FGD4: variants seen among roughly 807,000 people sequenced by gnomAD.
The protein encoded by FGD4 is FYVE, RhoGEF and PH domain-containing protein 4.
In FGD4, 42 loss-of-function variants were observed where a neutral mutation model predicts 102.0. The ratio of observed to expected loss-of-function variants is 0.41; its 90% CI spans 0.32 to 0.53. The LOEUF (loss-of-function observed/expected upper bound fraction) is 0.53. Among genes scored for constraint, FGD4 ranks in the 20% least tolerant of loss-of-function variants. The pLI is 0.21. For synonymous variants in FGD4, 380 were observed against 375.7 expected, an observed-to-expected ratio of 1.01 and a Z score of -0.13; for missense variants, 902 against 1,078.2, an observed-to-expected ratio of 0.84 and a Z score of 2.29.
chr12:32,581,372 G>A (rs1946603277), intron 3 of FGD4, among the ~76,000 whole-genome samples: 1 of 152,198 alleles, frequency 6.6e-6, no homozygotes, highest in Admixed American at 6.5e-5. Flanking sequence ...TGACTGACTT[G>A]TAGAGGTTCT....
At chr12:32,609,126 A>G (rs1036783754) in intron 8 of FGD4, among the ~76,000 whole-genome samples, 2 of 152,170 alleles carry the variant, frequency 1.3e-5, no homozygotes, top group South Asian at 2.1e-4. Flanking sequence ...AGCTTCCCAA[A>G]GTGCTGGGAT....
At chr12:32,495,329 A>G (rs1212683957) in intron 1 of FGD4, among the ~76,000 whole-genome samples, 2 of 152,152 alleles carry the variant, frequency 1.3e-5, no homozygotes, top group East Asian at 1.9e-4. Flanking sequence ...GATTCGCCCC[A>G]TATTTCACTG....
intron 1 of FGD4, among the ~76,000 whole-genome samples, chr12:32,521,489 G>A (rs1049594833): frequency 6.6e-6 from 1 of 151,878 alleles, no homozygotes; most frequent in African/African-American, 2.4e-5. Context: ...AGACCTTAAC[G>A]TCACAGGAAC....
At position 32,432,675 on chromosome 12, in the gene FGD4, A is replaced by G. The variant is rs183489676; in HGVS notation, c.166+32716A>G. ...AAAGTTGAGAGCATTATATACAGAG[A>G]AGGGTTCTTCATCACTTTTTTAGTC... is the stretch of plus-strand genomic sequence containing the variant. On this transcript the variant is annotated intron_variant, in intron 1 of 16. Coordinates refer to ENST00000534526, the MANE Select transcript of FGD4 (RefSeq NM_001370298.3). Among the ~76,000 whole-genome samples, 334 of 151,998 alleles carry G rather than the reference A, an allele frequency of 2.2e-3. 5 individuals carry two copies. The highest frequency in any genetic ancestry group is 8.4e-4 in the Non-Finnish European group (57 of 67,994).
At chr12:32,542,229 A>G (rs1185539279) in intron 1 of FGD4, among the ~76,000 whole-genome samples, 1 of 152,226 alleles carries the variant, frequency 6.6e-6, no homozygotes, top group Non-Finnish European at 1.5e-5. Flanking sequence ...TTAAGCAGAT[A>G]AAGTCTACAG....
chr12:32,576,680 C>T (rs1946152170), intron 3 of FGD4, among the ~76,000 whole-genome samples: 1 of 152,132 alleles, frequency 6.6e-6, no homozygotes, highest in Non-Finnish European at 1.5e-5. Flanking sequence ...CCAGCTTTTT[C>T]ATGAAATTGT....
rs1208571775 is a variant in FGD4 at position 32,561,086 on chromosome 12, T to G, written c.167-3051T>G. ...CTTTGTTGGGTTTTGTTTTTTTTTT[T>G]TTTTTTTTTTTTTTTGAGATGGAGT... On this transcript the variant is annotated intron_variant, in intron 1 of 16. Transcript: ENST00000534526. 1.5e-4 allele frequency among the ~76,000 whole-genome samples: 18 copies of G among 120,896 alleles called. 1 individual carries two copies. The highest frequency in any genetic ancestry group is 6.9e-4 in the East Asian group (3 of 4,336). The allele number at this position is 120,896 out of a possible 152,430, so 79.3% of individuals were successfully genotyped here.
intron 4 of FGD4, among the ~76,000 whole-genome samples, chr12:32,594,313 C>T (rs946005081): frequency 2.0e-5 from 3 of 152,106 alleles, no homozygotes; most frequent in Non-Finnish European, 4.4e-5. Context: ...CTATTGTGAA[C>T]TGCACATGCG....
chr12:32,531,919 A>G (rs568494430), intron 1 of FGD4, among the ~76,000 whole-genome samples: 30 of 152,300 alleles, frequency 2.0e-4, no homozygotes, highest in African/African-American at 7.2e-4. Context: ...CTTGTGGGCA[A>G]TTGAGAGTCA....
chr12:32,414,285 T>A (rs1165035850), intron 1 of FGD4, among the ~76,000 whole-genome samples: 25 of 152,226 alleles, frequency 1.6e-4, no homozygotes, highest in African/African-American at 5.8e-4. Context: ...TTCTTTTTTT[T>A]TTAAAAAATT....
At chr12:32,613,313 G>A (rs1949260111) in intron 10 of FGD4, among the ~76,000 whole-genome samples, 1 of 152,200 alleles carries the variant, frequency 6.6e-6, no homozygotes, top group African/African-American at 2.4e-5. Context: ...TTCAGTACAA[G>A]GGGTCTTGAA....
At chr12:32,635,517 T>G (rs1950751459) in intron 15 of FGD4, among the ~76,000 whole-genome samples, 1 of 152,308 alleles carries the variant, frequency 6.6e-6, no homozygotes, top group South Asian at 2.1e-4. Flanking sequence ...TATTCGAGAC[T>G]GATTTTGTAC....
chr12:32,597,564 CATTT>C (rs776283777), intron 4 of FGD4, among the ~76,000 whole-genome samples: 10 of 152,130 alleles, frequency 6.6e-5, no homozygotes, highest in Non-Finnish European at 2.9e-5. Flanking sequence ...CTCATTCATT[CATTT>C]GTTCGGCAAT....
chr12:32,451,944 G>T (rs764620368), intron 1 of FGD4, among the ~76,000 whole-genome samples: 2 of 148,794 alleles, frequency 1.3e-5, no homozygotes, highest in Admixed American at 6.8e-5. Flanking sequence ...CTATGTTCCC[G>T]TGGAGATCCT....
intron 11 of FGD4, among the ~76,000 whole-genome samples, chr12:32,620,958 C>T (rs1435986389): frequency 6.6e-6 from 1 of 151,940 alleles, no homozygotes; most frequent in Admixed American, 6.6e-5. Context: ...CCACCACACC[C>T]GGCCCATAAC....
At chr12:32,526,065 G>A (rs970147759) in intron 1 of FGD4, among the ~76,000 whole-genome samples, 1 of 152,228 alleles carries the variant, frequency 6.6e-6, no homozygotes. Context: ...GAGCGCAGGG[G>A]GCAGGACTGG....
intron 1 of FGD4, among the ~76,000 whole-genome samples, chr12:32,410,411 C>T (rs964707186): frequency 4.0e-5 from 6 of 151,582 alleles, no homozygotes; most frequent in East Asian, 1.9e-4. Flanking sequence ...TCCCAAAGGG[C>T]GAGGCTGAGG....
chr12:32,552,720 A>T (rs543940952), intron 1 of FGD4, among the ~76,000 whole-genome samples: 1 of 151,928 alleles, frequency 6.6e-6, no homozygotes, highest in South Asian at 2.1e-4. Context: ...CTAAGAAAAC[A>T]GCATGCCAAG....
Position 32,480,682 on chromosome 12 carries a change from G to C in FGD4, c.166+80723G>C, listed in dbSNP as rs550112476. Among the ~76,000 whole-genome samples, 249 of 151,216 alleles carry C rather than the reference G, an allele frequency of 1.6e-3. 1 individual carries two copies. The highest frequency in any genetic ancestry group is 2.9e-3 in the Non-Finnish European group (196 of 67,846). ...TGGCCAGCTAATTTTTGTATTTTTA[G>C]TAGAGACGGGGTTTCACCATGTTGG... On this transcript the variant is annotated intron_variant, in intron 1 of 16. Coordinates refer to ENST00000534526, the MANE Select transcript of FGD4 (RefSeq NM_001370298.3).
Sources: gnomAD v4.1 joint callset for allele counts (sites outside exome capture counted in the v4.1 genomes callset) on GRCh38, gnomAD v4.1.1 for gene constraint, MANE v1.5 for transcripts, NCBI Gene and HGNC (gene_info 2026-07-23, HGNC 2026-07-21) for gene names.